Variants in KCNIP4 observed in about 807,000 individuals in gnomAD.
The protein encoded by KCNIP4 is potassium voltage-gated channel interacting protein 4.
In KCNIP4, 12 loss-of-function variants were observed where a neutral mutation model predicts 34.0. The observed-to-expected ratio is 0.35, with a 90% confidence interval of 0.23 to 0.57. The LOEUF is 0.57. Ranked by LOEUF, KCNIP4 falls within the 20% of genes least tolerant of loss-of-function variation. The pLI, the probability that KCNIP4 is intolerant of heterozygous loss-of-function variation, is 0.83. For missense variants in KCNIP4, 238 were observed against 311.7 expected, an observed-to-expected ratio of 0.76 and a Z score of 1.78; for synonymous variants, 124 against 102.2, an observed-to-expected ratio of 1.21 and a Z score of -1.29.
chr4:20,825,872 GA>G (rs766493632), intron 3 of KCNIP4, among the ~76,000 whole-genome samples: 6 of 152,304 alleles, frequency 3.9e-5, no homozygotes, highest in Admixed American at 2.6e-4. Context: ...AGACATGTAG[GA>G]AGAACACCAC....
At position 21,528,804 on chromosome 4, in the gene KCNIP4, G is replaced by A. The variant is rs59209077; in HGVS notation, c.61+419767C>T. 1.9e-3 allele frequency among the ~76,000 whole-genome samples: 27 copies of A among 13,970 alleles called. 4 individuals carry two copies. Among genetic ancestry groups the A allele is most frequent in the African/African-American group, 5.0e-3 (17 of 3,404 alleles). The allele number at this position is 13,970 out of a possible 152,430, so 9.2% of individuals were successfully genotyped here. The stretch of plus-strand genomic sequence containing the variant: ...GGAAGAAAGGAAGAAAGGAAGAAAG[G>A]AAGGAAGGAAGGAAGGAAGGAAGGA... On this transcript the variant is annotated intron_variant, in intron 1 of 8. Transcript: ENST00000382152.
chr4:21,260,095 T>C (rs1393910965), intron 1 of KCNIP4, among the ~76,000 whole-genome samples: 5 of 152,098 alleles, frequency 3.3e-5, no homozygotes, highest in African/African-American at 1.2e-4. Context: ...GAAGGTGAGA[T>C]GGTCAGGAAT....
chr4:20,770,762 C>A (rs376182534), intron 3 of KCNIP4, among the ~76,000 whole-genome samples: 6 of 151,940 alleles, frequency 3.9e-5, no homozygotes, highest in Admixed American at 2.0e-4. Flanking sequence ...GGTGAAACCC[C>A]GTCTGTACTA....
chr4:21,741,408 A>G (rs1034851549), intron 1 of KCNIP4, among the ~76,000 whole-genome samples: 2 of 152,176 alleles, frequency 1.3e-5, no homozygotes, highest in African/African-American at 4.8e-5. Context: ...GACACTGCAT[A>G]TTCCAGAAAT....
intron 1 of KCNIP4, among the ~76,000 whole-genome samples, chr4:21,558,433 A>G (rs1004424477): frequency 1.3e-5 from 2 of 152,002 alleles, no homozygotes; most frequent in African/African-American, 4.8e-5. Flanking sequence ...CAGAGGTTAC[A>G]GTGAGCTGAG....
At chr4:21,686,724 A>T (rs1362740732) in intron 1 of KCNIP4, among the ~76,000 whole-genome samples, 1 of 152,196 alleles carries the variant, frequency 6.6e-6, no homozygotes, top group Non-Finnish European at 1.5e-5. Context: ...AGGTAGAGAT[A>T]GAACAGAACC....
In KCNIP4 at chr4:21,766,721, T is replaced by C. The variant is rs1038251227; in HGVS notation, c.61+181850A>G. On this transcript the variant is annotated intron_variant, in intron 1 of 8. Transcript: ENST00000382152. Reference sequence around the variant, plus strand: ...ACGAGGCAGGGAGGGCCCTAATTAATGTACTTATTTCAAAGTCTGGCATCT... The same window carrying C: ...ACGAGGCAGGGAGGGCCCTAATTAACGTACTTATTTCAAAGTCTGGCATCT... Among the ~76,000 whole-genome samples, 4 of 152,164 alleles carry C rather than the reference T, an allele frequency of 2.6e-5. No homozygotes were observed. In the East Asian group the frequency reaches 7.7e-4, roughly 29 times the overall value.
chr4:20,925,379 C>G (rs150604046), intron 1 of KCNIP4, among the ~76,000 whole-genome samples: 104 of 152,202 alleles, frequency 6.8e-4, no homozygotes, highest in Non-Finnish European at 9.3e-4. Flanking sequence ...ACTTGCTCAT[C>G]AAACAGGTTG....
chr4:20,972,441 T>C (rs1376097858), intron 1 of KCNIP4, among the ~76,000 whole-genome samples: 1 of 152,184 alleles, frequency 6.6e-6, no homozygotes, highest in African/African-American at 2.4e-5. Context: ...AAAAACAACA[T>C]TAATCTCCTA....
chr4:21,579,281 A>C (rs904596841), intron 1 of KCNIP4, among the ~76,000 whole-genome samples: 10 of 152,190 alleles, frequency 6.6e-5, no homozygotes, highest in African/African-American at 2.2e-4. Context: ...TGAATAGAAC[A>C]CAAGTACAAG....
intron 1 of KCNIP4, among the ~76,000 whole-genome samples, chr4:20,981,068 C>T (rs1460218109): frequency 6.6e-6 from 1 of 152,150 alleles, no homozygotes; most frequent in Non-Finnish European, 1.5e-5. Context: ...ATGTCATAGT[C>T]TAAATAAACA....
chr4:21,933,355 A>T (rs1044265807), intron 1 of KCNIP4, among the ~76,000 whole-genome samples: 8 of 151,994 alleles, frequency 5.3e-5, no homozygotes, highest in African/African-American at 1.9e-4. Context: ...GTCTTTTTGC[A>T]GGGGTGGAAT....
chr4:21,185,140 G>A (rs1345148232), intron 1 of KCNIP4, among the ~76,000 whole-genome samples: 1 of 152,170 alleles, frequency 6.6e-6, no homozygotes, highest in Non-Finnish European at 1.5e-5. Context: ...TTAAAACAAT[G>A]TTTCATACTA....
At chr4:20,854,809 G>A (rs1721400088) in intron 2 of KCNIP4, among the ~76,000 whole-genome samples, 1 of 152,132 alleles carries the variant, frequency 6.6e-6, no homozygotes, top group Admixed American at 6.6e-5. Context: ...GGGCCTAGAG[G>A]ATATTCTATT....
At chr4:21,613,162 C>G (rs1284673025) in intron 1 of KCNIP4, among the ~76,000 whole-genome samples, 1 of 152,102 alleles carries the variant, frequency 6.6e-6, no homozygotes, top group Admixed American at 6.6e-5. Flanking sequence ...AATCATGCTC[C>G]CAACATGAGC....
At chr4:21,829,241 T>C (rs1246049655) in intron 1 of KCNIP4, among the ~76,000 whole-genome samples, 1 of 151,992 alleles carries the variant, frequency 6.6e-6, no homozygotes. Flanking sequence ...GAGTTACATC[T>C]TGATAACCAT....
intron 1 of KCNIP4, among the ~76,000 whole-genome samples, chr4:21,911,577 G>A (rs1728324557): frequency 9.1e-6 from 1 of 109,574 alleles, no homozygotes; most frequent in South Asian, 3.4e-4. Flanking sequence ...ATATTCCTAA[G>A]TTCTGAAAGG....
At chr4:20,832,212 T>C (rs546981640) in intron 3 of KCNIP4, among the ~76,000 whole-genome samples, 1 of 152,276 alleles carries the variant, frequency 6.6e-6, no homozygotes, top group East Asian at 1.9e-4. Flanking sequence ...CTCTAGATAG[T>C]TCAACAAATA....
At chr4:20,889,124 TG>T (rs943425663) in intron 1 of KCNIP4, among the ~76,000 whole-genome samples, 4 of 152,126 alleles carry the variant, frequency 2.6e-5, no homozygotes, top group South Asian at 2.1e-4. Flanking sequence ...TAGAGATATC[TG>T]GGTTTTTTTC....
Sources: gnomAD v4.1 joint callset for allele counts (sites outside exome capture counted in the v4.1 genomes callset) on GRCh38, gnomAD v4.1.1 for gene constraint, MANE v1.5 for transcripts, NCBI Gene and HGNC (gene_info 2026-07-23, HGNC 2026-07-21) for gene names.